NOM1: variants seen among roughly 807,000 people sequenced by gnomAD.
NOM1 encodes nucleolar MIF4G domain-containing protein 1.
In NOM1, 58 loss-of-function variants were observed where a neutral mutation model predicts 73.3. The observed-to-expected ratio is 0.79, with a 90% confidence interval of 0.64 to 0.99. The LOEUF (loss-of-function observed/expected upper bound fraction) is 0.99, where lower values mean the gene tolerates loss of function less well. Among genes scored for constraint, NOM1 ranks in the 50% least tolerant of loss-of-function variants. The pLI is 0.00. For synonymous variants in NOM1, 487 were observed against 446.8 expected (o/e 1.09, Z -1.14); for missense variants, 1,226 against 1,131.9 (o/e 1.08, Z -1.19).
At chr7:156,962,060 G>A (rs752580289) in intron 4 of NOM1, 91 bp from the exon 5 acceptor site, 3 of 985,222 alleles carry the variant, frequency 3.0e-6, no homozygotes, top group East Asian at 4.9e-5. Flanking sequence ...GCGGCCATGT[G>A]CATCAGGTGT....
At chr7:156,965,414 G>A (rs58429083) in intron 7 of NOM1, among the ~76,000 whole-genome samples, 4,413 of 152,318 alleles carry the variant, frequency 0.029, 209 homozygotes, top group African/African-American at 0.099. Flanking sequence ...CCCTGAATCT[G>A]TGTGACAGAG....
At chr7:156,965,036 C>CT (rs889125566) in intron 7 of NOM1, among the ~76,000 whole-genome samples, 30 of 152,346 alleles carry the variant, frequency 2.0e-4, no homozygotes, top group African/African-American at 6.7e-4. Context: ...AGTTATGAGT[C>CT]TAAGCTTTTA....
intron 4 of NOM1, among the ~76,000 whole-genome samples, chr7:156,961,853 A>G (rs527907867): frequency 8.5e-5 from 13 of 152,180 alleles, no homozygotes; most frequent in Middle Eastern, 3.4e-3. Flanking sequence ...GGGGTGGCCG[A>G]GTAGGTGTGG....
Position 156,971,960 on chromosome 7 carries a change from T to C in NOM1, c.*2257T>C, listed in dbSNP as rs1248372012. On this transcript the variant is annotated 3_prime_UTR_variant, in exon 11 of 11. Coordinates refer to ENST00000275820, the MANE Select transcript of NOM1 (RefSeq NM_138400.2). ...GAATTAAGTGAAAATCTTCCCTTTG[T>C]TAAGGAGCTTTTTAACAAGAGTGTC... is the stretch of plus-strand genomic sequence containing the variant. 2.6e-5 allele frequency: 4 copies of C among 152,244 alleles called. No individual in the cohort carries two copies. Among genetic ancestry groups the C allele is most frequent in the African/African-American group, 9.6e-5 (4 of 41,470 alleles). 9.4% of individuals were successfully genotyped at this position (152,244 alleles called of 1,614,324 possible).
At chr7:156,950,776 G>T (rs528034415) in intron 1 of NOM1, 52 bp downstream of exon 1, 60 of 1,471,204 alleles carry the variant, frequency 4.1e-5, no homozygotes, top group Admixed American at 6.7e-5. Context: ...AAAATAACGG[G>T]ACAGGGAATG....
chr7:156,958,477 T>G (rs972978999), intron 3 of NOM1: 1 of 152,278 alleles, frequency 6.6e-6, no homozygotes, highest in Admixed American at 6.5e-5. Context: ...ATGTCCCTGC[T>G]TCCGCCTTCT....
Position 156,963,065 on chromosome 7 carries a change from T to G in NOM1, c.1801T>G (p.Leu601Val). The change falls in exon 6 of 11, where the codon TTG (leucine) becomes GTG (valine). Residue 601 changes from leucine to valine, a missense_variant. Leu to Val is a conservative substitution (Grantham distance 32, BLOSUM62 1). Coordinates refer to ENST00000275820, the MANE Select transcript of NOM1 (RefSeq NM_138400.2). ...TQLRVSWDSV[L>V]SAEQTGRWWI... Reference sequence around the variant, plus strand: ...GCTTCGCGTCTCCTGGGACAGTGTCTTGAGTGCGGAGCAGACGGGTCGCTG... The same window carrying G: ...GCTTCGCGTCTCCTGGGACAGTGTCGTGAGTGCGGAGCAGACGGGTCGCTG... 1 of 1,614,220 alleles carries G rather than the reference T, an allele frequency of 6.2e-7. No homozygotes were observed. The highest frequency in any genetic ancestry group is 1.1e-5 in the South Asian group (1 of 91,088).
chr7:156,952,001 C>T (rs118055219), intron 1 of NOM1, among the ~76,000 whole-genome samples: 1,841 of 152,260 alleles, frequency 0.012, 16 homozygotes, highest in Non-Finnish European at 0.02. Context: ...CCACCGTGCC[C>T]GGCCGGTTTT....
chr7:156,964,253 TA>T (rs1804942016), intron 7 of NOM1: 1 of 289,866 alleles, frequency 3.4e-6, no homozygotes, highest in South Asian at 7.8e-5. Flanking sequence ...TTATGATATA[TA>T]AAGATTGGGG....
chr7:156,961,958 T>A (rs1400136346), intron 4 of NOM1, among the ~76,000 whole-genome samples, 193 bp from the exon 5 acceptor site: 1 of 152,046 alleles, frequency 6.6e-6, no homozygotes, highest in African/African-American at 2.4e-5. Flanking sequence ...CACATTTCCA[T>A]TTTGAAGTAT....
chr7:156,952,596 CAGGTGACCTTGTAG>C lies in NOM1; in HGVS notation c.1111_1112+12del. The C allele has an allele frequency of 6.2e-7, 1 of 1,612,722 alleles. No individual in the cohort carries two copies. The highest frequency in any genetic ancestry group is 1.3e-5 in the African/African-American group (1 of 74,894). On this transcript the variant is annotated splice_donor_variant and splice_donor_5th_base_variant and coding_sequence_variant and intron_variant, in exon 2 of 11. Coordinates refer to ENST00000275820, the MANE Select transcript of NOM1 (RefSeq NM_138400.2). LOFTEE classifies it high-confidence loss of function. ...AGAAACATGTAAAAGGTCTACTTAACAGGTGACCTTGTAGTGTTGTTACACTGTGTCACTTAGAG... is the reference window on the plus strand; with the variant it reads ...AGAAACATGTAAAAGGTCTACTTAACTGTTGTTACACTGTGTCACTTAGAG...
At position 156,950,221 on chromosome 7, in the gene NOM1, C is replaced by A. The variant is rs1804548651; in HGVS notation, c.484C>A (p.Pro162Thr). 1 of 1,611,824 alleles carries A rather than the reference C, an allele frequency of 6.2e-7. No homozygotes were observed. The change falls in exon 1 of 11, where the codon CCC (proline) becomes ACC (threonine). Residue 162 changes from proline to threonine, a missense_variant. By Grantham distance (38) the Pro-to-Thr change is conservative (BLOSUM62 -1). Coordinates refer to ENST00000275820, the MANE Select transcript of NOM1 (RefSeq NM_138400.2). ...KATAATAKTR[P>T]SAAATAAARK... is the part of the protein sequence containing the mutation. ...CACGGCCGCCACCGCAAAGACCAGA[C>A]CCTCCGCAGCCGCCACCGCCGCTGC...
chr7:156,957,874 TA>T (rs1804767822), intron 3 of NOM1, among the ~76,000 whole-genome samples: 1 of 145,250 alleles, frequency 6.9e-6, no homozygotes, highest in Admixed American at 6.8e-5. Context: ...AATTTACTTT[TA>T]AAAATTATAT....
chr7:156,952,967 C>T (rs1370858688), intron 2 of NOM1, among the ~76,000 whole-genome samples: 3 of 152,202 alleles, frequency 2.0e-5, no homozygotes, highest in East Asian at 1.9e-4. Context: ...ACTCATTGCT[C>T]ATGTCTGCAT....
intron 3 of NOM1, among the ~76,000 whole-genome samples, chr7:156,954,648 A>G (rs1804678457): frequency 6.6e-6 from 1 of 150,556 alleles, no homozygotes; most frequent in Admixed American, 6.7e-5. Context: ...CTGGAACTGC[A>G]GGCGCACACC....
At chr7:156,962,332 A>AAGAAATAGTC (rs1171479036) in intron 5 of NOM1, 71 bp downstream of exon 5, 1 of 1,263,332 alleles carries the variant, frequency 7.9e-7, no homozygotes, top group East Asian at 2.3e-5. Flanking sequence ...CATGAAAATC[A>AAGAAATAGTC]AGAAATAGTC....
In NOM1 at chr7:156,954,232, G is replaced by A; in HGVS notation, c.1242G>A (p.Met414Ile). Reference protein sequence around the residue: ...LMGACVTASAMPSRLMMEHVL... With the variant: ...LMGACVTASAIPSRLMMEHVL... Reference sequence around the variant, plus strand: ...GTGCCTGCGTCACTGCCTCGGCCATGCCCAGCAGACTGATGATGGAGCATG... The same window carrying A: ...GTGCCTGCGTCACTGCCTCGGCCATACCCAGCAGACTGATGATGGAGCATG... Residue 414 changes from methionine to isoleucine, a missense_variant, in exon 3 of 11, where the codon ATG becomes ATA. Coordinates refer to ENST00000275820, the MANE Select transcript of NOM1 (RefSeq NM_138400.2). The A allele has an allele frequency of 6.2e-7, 1 of 1,613,144 alleles. No individual in the cohort carries two copies. The highest frequency in any genetic ancestry group is 8.5e-7 in the Non-Finnish European group (1 of 1,179,736).
chr7:156,963,610 C>CA, intron 6 of NOM1: 1 of 370,908 alleles, frequency 2.7e-6, no homozygotes, highest in East Asian at 5.1e-5. Flanking sequence ...CACTCATGGT[C>CA]ACGGTTTCCC....
chr7:156,953,954 T>TG, intron 2 of NOM1, 149 bp from the exon 3 acceptor site: 1 of 621,612 alleles, frequency 1.6e-6, no homozygotes, highest in Admixed American at 3.4e-5. Flanking sequence ...GCTGGGTTAT[T>TG]GGGGCAAGAT....
Sources: gnomAD v4.1 joint callset for allele counts (sites outside exome capture counted in the v4.1 genomes callset) on GRCh38, gnomAD v4.1.1 for gene constraint, MANE v1.5 for transcripts, NCBI Gene and HGNC (gene_info 2026-07-23, HGNC 2026-07-21) for gene names.